The following WAPL variants were observed in gnomAD, a reference collection of about 807,000 sequenced individuals.
WAPL encodes wings apart-like protein homolog.
A neutral mutation model predicts 121.0 loss-of-function variants in WAPL; 5 were observed. That is an observed-to-expected ratio of 0.04 (90% CI 0.02 to 0.09). WAPL has a LOEUF of 0.09. Ranked by LOEUF, WAPL falls within the 10% of genes least tolerant of loss-of-function variation. The pLI is 1.00. For missense variants in WAPL, 999 were observed against 1,410.8 expected (o/e 0.71, Z 4.68); for synonymous variants, 480 against 481.5 (o/e 1.00, Z 0.04).
Position 86,515,827 on chromosome 10 carries a change from G to A in WAPL, c.499+1744C>T, listed in dbSNP as rs547157117. On this transcript the variant is annotated intron_variant, in intron 2 of 18. Transcript: ENST00000298767. ...TTTAATATACATTTATACATTTTTA[G>A]GAGCTGACCTGGAAACAGTTTTTAT... Among the ~76,000 whole-genome samples, 7 of 150,084 alleles carry A rather than the reference G, an allele frequency of 4.7e-5. No homozygotes were observed. The East Asian group carries it at 1.2e-3, about 25-fold the overall frequency.
At chr10:86,485,051 C>T (rs991526181) in intron 4 of WAPL, among the ~76,000 whole-genome samples, 1 of 135,906 alleles carries the variant, frequency 7.4e-6, no homozygotes, top group Admixed American at 7.3e-5. Flanking sequence ...TCTCTCCCCT[C>T]CCCCGTCCCT....
At chr10:86,464,164 A>C (rs1420786155) in intron 9 of WAPL, among the ~76,000 whole-genome samples, 1 of 152,266 alleles carries the variant, frequency 6.6e-6, no homozygotes, top group Non-Finnish European at 1.5e-5. Flanking sequence ...TGTACAAAAC[A>C]ACACAGTAAA....
At chr10:86,478,355 C>G (rs1248510568) in intron 4 of WAPL, among the ~76,000 whole-genome samples, 1 of 151,920 alleles carries the variant, frequency 6.6e-6, no homozygotes, top group African/African-American at 2.4e-5. Context: ...CCTCCTGAGT[C>G]CAGGAAGTGG....
At chr10:86,466,669 A>G (rs1034924149) in intron 9 of WAPL, among the ~76,000 whole-genome samples, 1 of 121,536 alleles carries the variant, frequency 8.2e-6, no homozygotes, top group East Asian at 2.4e-4. Context: ...TCCATGGAGA[A>G]TAAGAATTCA....
intron 8 of WAPL, among the ~76,000 whole-genome samples, 181 bp from the exon 9 acceptor site, chr10:86,467,687 T>C (rs1328012494): frequency 6.6e-6 from 1 of 151,638 alleles, no homozygotes; most frequent in East Asian, 1.9e-4. Flanking sequence ...TTTTTTTTTT[T>C]TTTTTTTGAG....
At chr10:86,463,223 G>A (rs1383603155) in intron 9 of WAPL, among the ~76,000 whole-genome samples, 4 of 152,220 alleles carry the variant, frequency 2.6e-5, no homozygotes, top group African/African-American at 7.2e-5. Flanking sequence ...CCCAGAAAGT[G>A]GAGGTTGCAG....
intron 4 of WAPL, among the ~76,000 whole-genome samples, chr10:86,474,441 G>C (rs527257505): frequency 6.6e-6 from 1 of 151,172 alleles, no homozygotes; most frequent in Non-Finnish European, 1.5e-5. Flanking sequence ...CCTGAATCCG[G>C]AGGCAGAGGT....
intron 4 of WAPL, among the ~76,000 whole-genome samples, chr10:86,486,384 G>A (rs573206673): frequency 1.5e-4 from 23 of 152,206 alleles, no homozygotes; most frequent in Middle Eastern, 3.4e-3. Context: ...TTGACAACCC[G>A]TATAAACTCA....
intron 4 of WAPL, among the ~76,000 whole-genome samples, chr10:86,483,404 G>C (rs1841840407): frequency 6.7e-6 from 1 of 148,842 alleles, no homozygotes. Flanking sequence ...TGGACAACAA[G>C]AGCAAAAACT....
At chr10:86,501,484 T>C (rs1217440502) in intron 2 of WAPL, among the ~76,000 whole-genome samples, 1 of 152,236 alleles carries the variant, frequency 6.6e-6, no homozygotes, top group Non-Finnish European at 1.5e-5. Flanking sequence ...ACTGGTATTA[T>C]TAATTCCCTC....
intron 4 of WAPL, among the ~76,000 whole-genome samples, chr10:86,475,530 G>A (rs1841630780): frequency 6.6e-6 from 1 of 152,174 alleles, no homozygotes; most frequent in Admixed American, 6.5e-5. Flanking sequence ...CTCTAATAAA[G>A]TGGAAAAATT....
rs1011526668 is a variant in WAPL at position 86,435,652 on chromosome 10, T to A, written c.*1891A>T. 6.6e-6 allele frequency: 1 copy of A among 152,464 alleles called. No individual in the cohort carries two copies. The highest frequency in any genetic ancestry group is 1.5e-5 in the Non-Finnish European group (1 of 68,008). 9.4% of individuals were successfully genotyped at this position (152,464 alleles called of 1,614,324 possible). On this transcript the variant is annotated 3_prime_UTR_variant, in exon 19 of 19. Coordinates refer to ENST00000298767, the MANE Select transcript of WAPL (RefSeq NM_015045.5). ...CAGTGCTCGACAATTAGTTATTATT[T>A]AAAAAACAAAACAAAACAAAAAACT...
chr10:86,458,821 C>A (rs1366301688), intron 12 of WAPL, among the ~76,000 whole-genome samples, 168 bp downstream of exon 12: 2 of 152,072 alleles, frequency 1.3e-5, no homozygotes, highest in African/African-American at 4.8e-5. Context: ...CATTTTGTGT[C>A]CAAAATCTGT....
intron 12 of WAPL, among the ~76,000 whole-genome samples, chr10:86,454,464 C>T (rs1319713890): frequency 1.3e-5 from 2 of 152,214 alleles, no homozygotes; most frequent in Non-Finnish European, 2.9e-5. Context: ...TCTCGGCTCA[C>T]TGCAACCTCC....
intron 4 of WAPL, among the ~76,000 whole-genome samples, chr10:86,486,997 T>C (rs544473545): frequency 6.6e-6 from 1 of 151,986 alleles, no homozygotes; most frequent in Non-Finnish European, 1.5e-5. Flanking sequence ...TATTGGAGAA[T>C]TGAAACTGAG....
Position 86,500,421 on chromosome 10 carries a change from A to G in WAPL, c.822T>C (p.Asn274=). 2 of 1,614,172 alleles carry G rather than the reference A, an allele frequency of 1.2e-6. No individual in the cohort carries two copies. The highest frequency in any genetic ancestry group is 1.7e-6 in the Non-Finnish European group (2 of 1,180,048). The change falls in exon 3 of 19, where the codon AAT becomes AAC. Residue 274 remains asparagine (N), a synonymous_variant. Transcript: ENST00000298767. The stretch of plus-strand genomic sequence containing the variant: ...TATCTTCCTCAATGGCTTCATTCAG[A>G]TTTTCCAATCGATTTTTAAAATCGT... ...KDDDFKNRLE[N]LNEAIEEDIV...
intron 7 of WAPL, among the ~76,000 whole-genome samples, chr10:86,471,402 G>A (rs1341693494): frequency 6.6e-6 from 1 of 151,958 alleles, no homozygotes; most frequent in Admixed American, 6.6e-5. Flanking sequence ...TAATACTTCT[G>A]ATAAAAATCA....
Position 86,438,190 on chromosome 10 carries a change from C to A in WAPL, c.3412-175G>T, listed in dbSNP as rs905078658. On this transcript the variant is annotated intron_variant, in intron 17 of 18. Transcript: ENST00000298767. ...TGCATGTGATTTCCTACCTCACCCT[C>A]AGAAAGAAAGGAGAAAGGTAAAGTT... is the stretch of plus-strand genomic sequence containing the variant. Among the ~76,000 whole-genome samples the A allele has an allele frequency of 4.0e-5, 6 of 151,736 alleles. No homozygotes were observed. In the East Asian group the frequency reaches 1.2e-3, roughly 29 times the overall value.
chr10:86,461,515 T>G (rs1316891158), intron 9 of WAPL, among the ~76,000 whole-genome samples: 2 of 152,214 alleles, frequency 1.3e-5, no homozygotes, highest in African/African-American at 2.4e-5. Flanking sequence ...CAGTTTAATA[T>G]TATACATATA....
Sources: allele counts gnomAD v4.1 joint callset (sites outside exome capture counted in the v4.1 genomes callset), GRCh38; gene constraint gnomAD v4.1.1; transcripts MANE v1.5; gene names NCBI Gene and HGNC (gene_info 2026-07-23, HGNC 2026-07-21).